The following PTPRE variants were observed in gnomAD, a reference collection of about 807,000 sequenced individuals.
PTPRE encodes receptor-type tyrosine-protein phosphatase epsilon.
In PTPRE, 51 loss-of-function variants were observed where a neutral mutation model predicts 102.0. That is an observed-to-expected ratio of 0.50 (90% confidence interval 0.40 to 0.63). PTPRE has a LOEUF of 0.63. Among genes scored for constraint, PTPRE ranks in the 30% least tolerant of loss-of-function variants. The pLI is 0.00. For missense variants in PTPRE, 752 were observed against 915.1 expected (o/e 0.82, Z 2.30); for synonymous variants, 345 against 348.2 (o/e 0.99, Z 0.10).
intron 2 of PTPRE, among the ~76,000 whole-genome samples, chr10:128,023,594 G>C (rs1458265346): frequency 6.6e-6 from 1 of 152,176 alleles, no homozygotes; most frequent in Non-Finnish European, 1.5e-5. Context: ...AGGTACATAT[G>C]TATAGGAAAA....
At chr10:128,038,216 T>C (rs1445801680) in intron 2 of PTPRE, among the ~76,000 whole-genome samples, 1 of 152,190 alleles carries the variant, frequency 6.6e-6, no homozygotes, top group African/African-American at 2.4e-5. Flanking sequence ...CAAGTTGTCA[T>C]TGGCCTTAAA....
At chr10:128,019,975 G>A (rs1205826583) in intron 2 of PTPRE, among the ~76,000 whole-genome samples, 1 of 151,758 alleles carries the variant, frequency 6.6e-6, no homozygotes. Flanking sequence ...CAGGTTGGTC[G>A]ACATGTGTTC....
intron 2 of PTPRE, among the ~76,000 whole-genome samples, chr10:127,997,027 GA>G (rs942481615): frequency 2.5e-4 from 37 of 150,948 alleles, no homozygotes; most frequent in African/African-American, 9.0e-4. Flanking sequence ...AAAACAAATA[GA>G]AAAAAAAAGA....
rs547343087 is a variant in PTPRE, at chr10:127,990,916, G to A, written c.-8+8620G>A. Among the ~76,000 whole-genome samples the A allele has an allele frequency of 8.5e-5, 13 of 152,262 alleles. No individual in the cohort carries two copies. In the South Asian group the frequency reaches 1.2e-3, roughly 15 times the overall value. ...TTCAGGAAGGAAAAGCTGAGAATCC[G>A]TGGGCTTTGATTTTAAAACTCAAAC... is the stretch of plus-strand genomic sequence containing the variant. On this transcript the variant is annotated intron_variant, in intron 2 of 20. Transcript: ENST00000254667.
At chr10:128,004,751 G>GA (rs1356630315) in intron 2 of PTPRE, among the ~76,000 whole-genome samples, 1 of 152,144 alleles carries the variant, frequency 6.6e-6, no homozygotes, top group Non-Finnish European at 1.5e-5. Context: ...AGTTCTTTTG[G>GA]ATATATACCT....
chr10:128,085,220 C>T lies in PTPRE; in HGVS notation c.*2314C>T. The T allele has an allele frequency of 2.5e-6, 1 of 395,820 alleles. No homozygotes were observed. The highest frequency in any genetic ancestry group is 5.1e-6 in the Non-Finnish European group (1 of 194,404). The allele number at this position is 395,820 out of a possible 1,614,324, so 24.5% of individuals were successfully genotyped here. ...CAGGATCTCCTGGGCCTTGGAGCAC[C>T]TCACGCTGGGGGAATCAATCCCTGA... On this transcript the variant is annotated 3_prime_UTR_variant, in exon 21 of 21. Transcript: ENST00000254667.
chr10:128,016,045 G>A (rs1297511339), intron 2 of PTPRE, among the ~76,000 whole-genome samples: 1 of 152,130 alleles, frequency 6.6e-6, no homozygotes, highest in Non-Finnish European at 1.5e-5. Flanking sequence ...AATGGTGTGG[G>A]CTTCCTGGGG....
intron 1 of PTPRE, among the ~76,000 whole-genome samples, chr10:127,969,689 C>CGGGG (rs66461041): frequency 7.3e-6 from 1 of 136,816 alleles, no homozygotes; most frequent in Non-Finnish European, 1.5e-5. Flanking sequence ...AAAAGGGGGG[C>CGGGG]GGGGGGATGA....
chr10:127,921,642 C>A (rs1846615559), intron 1 of PTPRE, among the ~76,000 whole-genome samples: 1 of 152,158 alleles, frequency 6.6e-6, no homozygotes, highest in African/African-American at 2.4e-5. Flanking sequence ...GAGCTGTTGC[C>A]CAGCAGGGCT....
chr10:128,056,916 T>A (rs2135914776), intron 7 of PTPRE, among the ~76,000 whole-genome samples: 1 of 151,980 alleles, frequency 6.6e-6, no homozygotes, highest in South Asian at 2.1e-4. Flanking sequence ...CTGAACCGCC[T>A]TTGTAAGAGC....
rs538787466 is a variant in PTPRE, at chr10:127,908,549, A to G, written c.-31+1240A>G. On this transcript the variant is annotated intron_variant, in intron 1 of 20. Coordinates refer to ENST00000254667, the MANE Select transcript of PTPRE (RefSeq NM_006504.6). ...GGGCAAGCGTCTGACCACCACGGTC[A>G]CTCAGCCAGCATGGTATGGGCAGAG... 3.3e-5 allele frequency among the ~76,000 whole-genome samples: 5 copies of G among 152,302 alleles called. No individual in the cohort carries two copies. In the East Asian group the frequency reaches 9.6e-4, roughly 29 times the overall value.
intron 1 of PTPRE, among the ~76,000 whole-genome samples, chr10:127,949,058 C>T (rs1445197271): frequency 6.6e-6 from 1 of 152,254 alleles, no homozygotes; most frequent in African/African-American, 2.4e-5. Flanking sequence ...AGAACTTACA[C>T]CAGTGCCCCA....
At chr10:128,057,774 T>A (rs1458954592) in intron 7 of PTPRE, among the ~76,000 whole-genome samples, 1 of 152,178 alleles carries the variant, frequency 6.6e-6, no homozygotes, top group Non-Finnish European at 1.5e-5. Flanking sequence ...GCCTTGACAG[T>A]AGCTCAGACA....
chr10:127,939,835 G>A (rs1848097178), intron 1 of PTPRE, among the ~76,000 whole-genome samples: 1 of 150,820 alleles, frequency 6.6e-6, no homozygotes, highest in Non-Finnish European at 1.5e-5. Flanking sequence ...AGCAGGTGAG[G>A]GCAGGTGCAG....
At chr10:127,971,453 G>A (rs1850724760) in intron 1 of PTPRE, among the ~76,000 whole-genome samples, 1 of 152,196 alleles carries the variant, frequency 6.6e-6, no homozygotes, top group South Asian at 2.1e-4. Context: ...ACACTATGTG[G>A]AGGAGTCGGT....
chr10:127,965,373 G>A (rs763674002), intron 1 of PTPRE, among the ~76,000 whole-genome samples: 9 of 150,950 alleles, frequency 6.0e-5, no homozygotes, highest in Non-Finnish European at 1.2e-4. Context: ...ACATCCCTGT[G>A]GAAATGTGAA....
intron 2 of PTPRE, among the ~76,000 whole-genome samples, chr10:127,997,438 G>A (rs143769678): frequency 6.6e-6 from 1 of 152,336 alleles, no homozygotes; most frequent in Non-Finnish European, 1.5e-5. Flanking sequence ...CAGCCTCAGA[G>A]GACCAGCGTC....
At position 128,077,685 on chromosome 10, in the gene PTPRE, C is replaced by G. The variant is rs559961003; in HGVS notation, c.1794C>G (p.Ile598Met). The change falls in exon 19 of 21, where the codon ATC becomes ATG. Residue 598 changes from isoleucine to methionine, a missense_variant. Around this residue, in one of 2 missense-constraint regions of PTPRE, gnomAD observed 636 missense variants for 824.4 expected, o/e 0.77. Transcript: ENST00000254667. Reference sequence around the variant, plus strand: ...TTCACTTCCACGGCTGGCCTGAGATCGGGATTCCCGCCGAGGGCAAAGGCA... The same window carrying G: ...TTCACTTCCACGGCTGGCCTGAGATGGGGATTCCCGCCGAGGGCAAAGGCA... ...RQFHFHGWPEIGIPAEGKGMI... is the reference protein window; with the variant it reads ...RQFHFHGWPEMGIPAEGKGMI... The G allele has an allele frequency of 6.2e-7, 1 of 1,613,874 alleles. No homozygotes were observed. The highest frequency in any genetic ancestry group is 1.1e-5 in the South Asian group (1 of 91,078).
chr10:128,077,760 C>CT lies in PTPRE; in HGVS notation c.1869_1870insT (p.His624SerfsTer57). 6.2e-7 allele frequency: 1 copy of CT among 1,606,546 alleles called. No individual in the cohort carries two copies. Among genetic ancestry groups the CT allele is most frequent in the Non-Finnish European group, 8.5e-7 (1 of 1,173,912 alleles). ...AGAAGCAGCAGCAGCAGACAGGCAA[C>CT]CACCCCATCACCGTGCACTGCAGGT... On this transcript the variant is annotated frameshift_variant, in exon 19 of 21. Transcript: ENST00000254667. LOFTEE classifies it high-confidence loss of function.
Sources: gnomAD v4.1 joint callset for allele counts (sites outside exome capture counted in the v4.1 genomes callset) on GRCh38, gnomAD v4.1.1 for gene constraint, gnomAD v4.1.1 regional missense constraint, MANE v1.5 for transcripts, NCBI Gene and HGNC (gene_info 2026-07-23, HGNC 2026-07-21) for gene names.